Variants in RMDN2 observed in about 807,000 individuals in gnomAD.
RMDN2 encodes the protein regulator of microtubule dynamics 2, also known as regulator of microtubule dynamics protein 2.
A neutral mutation model predicts 52.8 loss-of-function variants in RMDN2; 61 were observed. That is an observed-to-expected ratio of 1.16 (90% confidence interval 0.94 to 1.43). RMDN2 has a LOEUF of 1.43. Among genes scored for constraint, RMDN2 ranks in the 40% most tolerant of loss-of-function variants. The pLI is 0.00. For missense variants in RMDN2, 592 were observed against 475.3 expected (o/e 1.25, Z -2.28); for synonymous variants, 180 against 153.1 (o/e 1.18, Z -1.30).
intron 6 of RMDN2, among the ~76,000 whole-genome samples, chr2:37,990,317 G>A (rs1043266313): frequency 1.3e-5 from 2 of 150,736 alleles, no homozygotes; most frequent in African/African-American, 2.4e-5. Context: ...CCAGGAGTTC[G>A]AGACCAGCCT....
intron 10 of RMDN2, among the ~76,000 whole-genome samples, chr2:38,014,267 C>T (rs6722830): frequency 0.53 from 80,222 of 152,022 alleles, 21,706 homozygotes; most frequent in East Asian, 0.9. Context: ...AGACTTTTCC[C>T]GCTGTCTAAA....
intron 2 of RMDN2, among the ~76,000 whole-genome samples, chr2:37,931,683 A>G (rs950857700): frequency 1.3e-5 from 2 of 152,246 alleles, no homozygotes; most frequent in Non-Finnish European, 2.9e-5. Flanking sequence ...AAAAGAAGAT[A>G]ATTATGGGAC....
intron 10 of RMDN2, among the ~76,000 whole-genome samples, chr2:38,023,975 A>G (rs1679582378): frequency 6.6e-6 from 1 of 151,966 alleles, no homozygotes; most frequent in East Asian, 1.9e-4. Context: ...CCAAATAACA[A>G]CTGATCTGCT....
chr2:37,959,063 A>T (rs1471696224), intron 2 of RMDN2, among the ~76,000 whole-genome samples: 1 of 151,020 alleles, frequency 6.6e-6, no homozygotes, highest in Non-Finnish European at 1.5e-5. Flanking sequence ...CCAGTATTTT[A>T]TTGAGGATTT....
chr2:37,964,819 TAATGGTATTAC>T (rs1670814923), intron 2 of RMDN2, among the ~76,000 whole-genome samples: 1 of 152,206 alleles, frequency 6.6e-6, no homozygotes, highest in African/African-American at 2.4e-5. Context: ...ATTATTAAAG[TAATGGTATTAC>T]TATGGTATTA....
In RMDN2 at chr2:37,940,889, C is replaced by T. The variant is rs565234467; in HGVS notation, c.452+11160C>T. Among the ~76,000 whole-genome samples, 71 of 152,322 alleles carry T rather than the reference C, an allele frequency of 4.7e-4. 1 individual carries two copies. Among genetic ancestry groups the T allele is most frequent in the Middle Eastern group, 3.4e-3 (1 of 294 alleles). On this transcript the variant is annotated intron_variant, in intron 2 of 10. Coordinates refer to ENST00000354545, the MANE Select transcript of RMDN2 (RefSeq NM_001170791.3). The stretch of plus-strand genomic sequence containing the variant: ...ATTACCCACCTTCTGAAGCCTACTT[C>T]TGTCAATTCATCAAACTCATTCTCT...
At chr2:37,964,547 T>C (rs1446332751) in intron 2 of RMDN2, among the ~76,000 whole-genome samples, 1 of 152,246 alleles carries the variant, frequency 6.6e-6, no homozygotes, top group Non-Finnish European at 1.5e-5. Flanking sequence ...GAAAATATGC[T>C]TCATATAATT....
intron 2 of RMDN2, among the ~76,000 whole-genome samples, chr2:37,932,665 G>A (rs1276956802): frequency 2.0e-5 from 3 of 149,616 alleles, no homozygotes; most frequent in East Asian, 2.0e-4. Context: ...CTCACCTCAC[G>A]GGGCGGCTGG....
At chr2:37,925,157 G>A (rs776328388), upstream of RMDN2, among the ~76,000 whole-genome samples, 2 of 152,162 alleles carry the variant, frequency 1.3e-5, no homozygotes, top group Non-Finnish European at 2.9e-5. Context: ...GGCGCCCCGC[G>A]ACGTGCAATT....
chr2:37,994,742 A>G (rs1433137654), intron 7 of RMDN2, among the ~76,000 whole-genome samples: 3 of 152,246 alleles, frequency 2.0e-5, no homozygotes, highest in African/African-American at 7.2e-5. Flanking sequence ...CATATGTTTC[A>G]ATGGGAATAT....
chr2:37,968,535 G>A (rs1373527481), intron 2 of RMDN2, among the ~76,000 whole-genome samples: 1 of 150,612 alleles, frequency 6.6e-6, no homozygotes, highest in East Asian at 1.9e-4. Flanking sequence ...CACTCCTGAT[G>A]TACTTATGTA....
At chr2:37,938,262 A>T (rs1466458105) in intron 2 of RMDN2, among the ~76,000 whole-genome samples, 5 of 152,200 alleles carry the variant, frequency 3.3e-5, no homozygotes, top group African/African-American at 1.2e-4. Context: ...ATCATGGTGG[A>T]TAAGCTTTTT....
chr2:37,929,755 T>A, intron 2 of RMDN2, 26 bp downstream of exon 2: 2 of 1,408,414 alleles, frequency 1.4e-6, no homozygotes, highest in Non-Finnish European at 1.9e-6. Flanking sequence ...ATATTTCCTA[T>A]GTTGAATTGG....
At chr2:37,992,987 T>C (rs1408674076) in intron 7 of RMDN2, among the ~76,000 whole-genome samples, 1 of 152,294 alleles carries the variant, frequency 6.6e-6, no homozygotes, top group East Asian at 1.9e-4. Context: ...TGATCTCGGC[T>C]CACTGCAGCC....
At chr2:37,980,689 A>G (rs1437814902) in intron 4 of RMDN2, among the ~76,000 whole-genome samples, 2 of 152,152 alleles carry the variant, frequency 1.3e-5, no homozygotes, top group Non-Finnish European at 2.9e-5. Flanking sequence ...GGCCCTGTTC[A>G]TTATTGTGAA....
At chr2:37,921,091 A>C (rs1183558539), upstream of RMDN2, among the ~76,000 whole-genome samples, 1 of 152,230 alleles carries the variant, frequency 6.6e-6, no homozygotes, top group African/African-American at 2.4e-5. Flanking sequence ...TCAACATTGA[A>C]CTGCTAAGTA....
intron 10 of RMDN2, among the ~76,000 whole-genome samples, chr2:38,023,409 AATCTT>A (rs1679540214): frequency 6.6e-6 from 1 of 152,192 alleles, no homozygotes; most frequent in South Asian, 2.1e-4. Flanking sequence ...TGTAAAGAAA[AATCTT>A]ATATTTGTAT....
chr2:37,941,442 C>T (rs1227861409), intron 2 of RMDN2, among the ~76,000 whole-genome samples: 1 of 152,248 alleles, frequency 6.6e-6, no homozygotes, highest in Admixed American at 6.5e-5. Flanking sequence ...ATCTGCTGCT[C>T]TCTTCAGAGC....
chr2:38,009,439 T>G (rs1677617436), intron 10 of RMDN2, among the ~76,000 whole-genome samples: 1 of 152,228 alleles, frequency 6.6e-6, no homozygotes, highest in East Asian at 1.9e-4. Flanking sequence ...ACACTTCTCC[T>G]CTCGCTTCAT....
Sources: gnomAD v4.1 joint callset for allele counts (sites outside exome capture counted in the v4.1 genomes callset) on GRCh38, gnomAD v4.1.1 for gene constraint, MANE v1.5 for transcripts, NCBI Gene and HGNC (gene_info 2026-07-23, HGNC 2026-07-21) for gene names.